Variants in DIAPH3 observed in about 807,000 individuals in gnomAD.
DIAPH3 encodes the protein diaphanous related formin 3, also known as protein diaphanous homolog 3.
A neutral mutation model predicts 144.3 loss-of-function variants in DIAPH3; 117 were observed. The ratio of observed to expected loss-of-function variants is 0.81; its 90% CI spans 0.70 to 0.95. The LOEUF is 0.95. DIAPH3 is among the 40% of genes least tolerant of loss of function. The probability of loss-of-function intolerance (pLI) is 0.00; values close to 1 mark genes in which losing one functional copy is unlikely to be tolerated. For missense variants in DIAPH3, 1,421 were observed against 1,412.7 expected, an observed-to-expected ratio of 1.01 and a Z score of -0.09; for synonymous variants, 519 against 488.9, an observed-to-expected ratio of 1.06 and a Z score of -0.81.
intron 27 of DIAPH3, among the ~76,000 whole-genome samples, chr13:59,692,155 T>TC (rs2033561808): frequency 6.7e-6 from 1 of 148,948 alleles, no homozygotes; most frequent in East Asian, 1.9e-4. Context: ...TTTTTTTTTT[T>TC]TTTTTTTTTA....
At chr13:59,940,766 C>A (rs2048488928) in intron 17 of DIAPH3, among the ~76,000 whole-genome samples, 1 of 152,078 alleles carries the variant, frequency 6.6e-6, no homozygotes, top group Non-Finnish European at 1.5e-5. Context: ...AGGCTAAGGG[C>A]CTGGCAAATG....
At chr13:59,766,885 G>A (rs1312353466) in intron 27 of DIAPH3, among the ~76,000 whole-genome samples, 5 of 152,030 alleles carry the variant, frequency 3.3e-5, no homozygotes, top group African/African-American at 1.2e-4. Context: ...CGTTTCTCAA[G>A]GTAAGCAGTG....
intron 27 of DIAPH3, among the ~76,000 whole-genome samples, chr13:59,744,098 C>T (rs756264280): frequency 9.9e-5 from 15 of 152,120 alleles, no homozygotes; most frequent in Non-Finnish European, 1.0e-4. Context: ...GAGAAAAATA[C>T]ATTGAACTGT....
chr13:59,735,492 T>C (rs2036098216), intron 27 of DIAPH3, among the ~76,000 whole-genome samples: 1 of 152,218 alleles, frequency 6.6e-6, no homozygotes, highest in Admixed American at 6.5e-5. Context: ...GAAAGAATGA[T>C]CTTGCAGGTA....
intron 9 of DIAPH3, among the ~76,000 whole-genome samples, chr13:60,007,214 G>A (rs950691046): frequency 5.9e-5 from 9 of 151,950 alleles, no homozygotes; most frequent in African/African-American, 1.9e-4. Context: ...ATCATGCCCG[G>A]CTAATTTTTG....
chr13:59,989,176 G>T (rs539727346), intron 12 of DIAPH3, among the ~76,000 whole-genome samples: 1 of 151,744 alleles, frequency 6.6e-6, no homozygotes, highest in South Asian at 2.1e-4. Flanking sequence ...TAAAATAGAG[G>T]TCCTTCTGAG....
chr13:60,066,836 G>A (rs754071497), intron 4 of DIAPH3, among the ~76,000 whole-genome samples: 2 of 152,102 alleles, frequency 1.3e-5, no homozygotes, highest in African/African-American at 4.8e-5. Context: ...ATTTTAGATT[G>A]CTCAATCATC....
chr13:60,013,228 G>T, intron 7 of DIAPH3: 1 of 984,834 alleles, frequency 1.0e-6, no homozygotes, highest in Non-Finnish European at 1.2e-6. Flanking sequence ...TCCACATGAG[G>T]CCTATTATTA....
intron 1 of DIAPH3, among the ~76,000 whole-genome samples, chr13:60,136,171 G>T (rs1470860500): frequency 6.6e-6 from 1 of 152,012 alleles, no homozygotes; most frequent in Non-Finnish European, 1.5e-5. Flanking sequence ...AACTATAAGG[G>T]TAATATCCTT....
chr13:59,971,144 G>A lies in DIAPH3; in HGVS notation c.1667C>T (p.Ala556Val). ...GGGAGGCAAAGGAATATTACAATCA[G>A]CTGGCAAGGCACCAAACTGGAGAAA... Reference protein sequence around the residue: ...AFKSQFGALPADCNIPLPPSK... With the variant: ...AFKSQFGALPVDCNIPLPPSK... The change falls in exon 16 of 28, where the codon GCT (alanine) becomes GTT (valine). Residue 556 changes from alanine to valine, a missense_variant. By Grantham distance (64) the Ala-to-Val change is moderately conservative. Coordinates refer to ENST00000400324, the MANE Select transcript of DIAPH3 (RefSeq NM_001042517.2). The A allele has an allele frequency of 6.3e-7, 1 of 1,583,636 alleles. No individual in the cohort carries two copies. Among genetic ancestry groups the A allele is most frequent in the Non-Finnish European group, 8.6e-7 (1 of 1,163,882 alleles).
chr13:60,096,950 T>G (rs1433906868), intron 3 of DIAPH3, among the ~76,000 whole-genome samples: 1 of 152,180 alleles, frequency 6.6e-6, no homozygotes, highest in Non-Finnish European at 1.5e-5. Flanking sequence ...TTGCCCTTTA[T>G]AATCATGTGA....
At chr13:59,729,655 C>T (rs1203408812) in intron 27 of DIAPH3, among the ~76,000 whole-genome samples, 1 of 151,838 alleles carries the variant, frequency 6.6e-6, no homozygotes, top group Admixed American at 6.6e-5. Flanking sequence ...AAAAAAAATG[C>T]ATGTAAAACT....
At chr13:59,720,499 A>G (rs2035288701) in intron 27 of DIAPH3, among the ~76,000 whole-genome samples, 1 of 152,216 alleles carries the variant, frequency 6.6e-6, no homozygotes, top group Non-Finnish European at 1.5e-5. Context: ...GCAATGTGAT[A>G]TGTCATAATC....
chr13:60,130,107 G>A (rs1437868161), intron 2 of DIAPH3, among the ~76,000 whole-genome samples: 1 of 152,180 alleles, frequency 6.6e-6, no homozygotes, highest in Non-Finnish European at 1.5e-5. Context: ...AGGTAACAGA[G>A]CTAATAAGAG....
At chr13:59,696,632 C>T (rs2033817819) in intron 27 of DIAPH3, among the ~76,000 whole-genome samples, 1 of 152,144 alleles carries the variant, frequency 6.6e-6, no homozygotes, top group Non-Finnish European at 1.5e-5. Context: ...TTTACAATTG[C>T]TTTCTAATCT....
chr13:59,763,198 A>G (rs530767165), intron 27 of DIAPH3, among the ~76,000 whole-genome samples: 1 of 152,108 alleles, frequency 6.6e-6, no homozygotes, highest in East Asian at 1.9e-4. Flanking sequence ...ATTCTTTTTC[A>G]TACATATATC....
At chr13:60,121,177 G>A (rs2058834819) in intron 2 of DIAPH3, among the ~76,000 whole-genome samples, 1 of 151,250 alleles carries the variant, frequency 6.6e-6, no homozygotes, top group Admixed American at 6.6e-5. Context: ...TCTGATTTCT[G>A]TTGGTGATAA....
intron 17 of DIAPH3, among the ~76,000 whole-genome samples, chr13:59,951,866 T>G (rs1224831341): frequency 6.6e-6 from 1 of 152,134 alleles, no homozygotes; most frequent in Non-Finnish European, 1.5e-5. Flanking sequence ...GTTCCTCAAA[T>G]AGCTAAACAT....
chr13:59,812,312 C>T (rs1357561166), intron 24 of DIAPH3, among the ~76,000 whole-genome samples: 3 of 151,636 alleles, frequency 2.0e-5, no homozygotes, highest in Non-Finnish European at 2.9e-5. Context: ...ATCTATCCAT[C>T]GATCCATCCA....
Sources: allele counts gnomAD v4.1 joint callset (sites outside exome capture counted in the v4.1 genomes callset), GRCh38; gene constraint gnomAD v4.1.1; transcripts MANE v1.5; gene names NCBI Gene and HGNC (gene_info 2026-07-23, HGNC 2026-07-21).